AMPH: variants seen among roughly 807,000 people sequenced by gnomAD.
AMPH encodes the protein amphiphysin (Stiff-Mann syndrome with breast cancer 128kD autoantigen).
A neutral mutation model predicts 99.1 loss-of-function variants in AMPH; 49 were observed. The ratio of observed to expected loss-of-function variants is 0.49; its 90% confidence interval spans 0.39 to 0.63. The LOEUF (loss-of-function observed/expected upper bound fraction) is 0.63. Among genes scored for constraint, AMPH ranks in the 20% least tolerant of loss-of-function variants. The probability of loss-of-function intolerance (pLI) is 0.00; values close to 1 mark genes in which losing one functional copy is unlikely to be tolerated. For missense variants in AMPH, 759 were observed against 863.4 expected, an observed-to-expected ratio of 0.88 and a Z score of 1.52; for synonymous variants, 314 against 317.3, an observed-to-expected ratio of 0.99 and a Z score of 0.11.
At chr7:38,587,949 T>TGTGC (rs931620644) in intron 1 of AMPH, among the ~76,000 whole-genome samples, 202 of 146,196 alleles carry the variant, frequency 1.4e-3, no homozygotes, top group African/African-American at 4.4e-3. Flanking sequence ...TGTGTGTGTG[T>TGTGC]GCGCGTGTGT....
chr7:38,530,819 A>T (rs1165361349), intron 2 of AMPH, among the ~76,000 whole-genome samples: 1 of 152,234 alleles, frequency 6.6e-6, no homozygotes, highest in Non-Finnish European at 1.5e-5. Context: ...TAAGAGACCA[A>T]AAATAGAACG....
rs544036143 is a variant in AMPH at position 38,610,234 on chromosome 7, CAAAAAAAAAAAAA to C, written c.69+21036_69+21048del. Among the ~76,000 whole-genome samples the C allele has an allele frequency of 3.6e-3, 22 of 6,128 alleles. 1 individual carries two copies. The highest frequency in any genetic ancestry group is 6.2e-3 in the African/African-American group (8 of 1,292). 4.0% of individuals were successfully genotyped at this position (6,128 alleles called of 152,430 possible). On this transcript the variant is annotated intron_variant, in intron 1 of 20. Transcript: ENST00000356264. ...CCGGGCAACAAAAGCTAAGCTCTCT[CAAAAAAAAAAAAA>C]AAAAAAAAAAAAAAAAGAAAGAAAG...
intron 17 of AMPH, among the ~76,000 whole-genome samples, chr7:38,405,928 T>C (rs910558634): frequency 6.6e-6 from 1 of 152,170 alleles, no homozygotes; most frequent in African/African-American, 2.4e-5. Flanking sequence ...CAATCTTTTA[T>C]CTGCACATGG....
chr7:38,446,188 A>C (rs955151032), intron 11 of AMPH, among the ~76,000 whole-genome samples: 1 of 152,246 alleles, frequency 6.6e-6, no homozygotes, highest in Non-Finnish European at 1.5e-5. Flanking sequence ...GATGTGGAAG[A>C]ACTAGAACTC....
chr7:38,598,143 T>C (rs1245970875), intron 1 of AMPH, among the ~76,000 whole-genome samples: 1 of 152,258 alleles, frequency 6.6e-6, no homozygotes, highest in East Asian at 1.9e-4. Context: ...ATTTGTCTAT[T>C]TATATTTGTA....
intron 1 of AMPH, among the ~76,000 whole-genome samples, chr7:38,629,103 G>C (rs1433614000): frequency 6.6e-6 from 1 of 152,196 alleles, no homozygotes; most frequent in Non-Finnish European, 1.5e-5. Context: ...GAGGCCAAAG[G>C]TGTAGAAAGA....
intron 11 of AMPH, among the ~76,000 whole-genome samples, chr7:38,445,313 C>A (rs1046208840): frequency 6.6e-6 from 1 of 151,986 alleles, no homozygotes; most frequent in Non-Finnish European, 1.5e-5. Context: ...GAAAATAAAA[C>A]TTCTAAAAAA....
chr7:38,384,604 T>G lies in AMPH; in HGVS notation c.*214A>C. 4.2e-6 allele frequency: 2 copies of G among 473,642 alleles called. No homozygotes were observed. The highest frequency in any genetic ancestry group is 7.7e-6 in the Non-Finnish European group (2 of 259,236). The allele number at this position is 473,642 out of a possible 1,614,324, so 29.3% of individuals were successfully genotyped here. A position where few individuals can be genotyped will look rare whatever the true frequency, so the allele number is the denominator to read the frequency against. ...GACAAAGCACAAACAAACCTGTTAT[T>G]GACAACATGGGAATGAGTGAGGATT... On this transcript the variant is annotated 3_prime_UTR_variant, in exon 21 of 21. Transcript: ENST00000356264.
At chr7:38,600,948 G>A (rs1793224668) in intron 1 of AMPH, among the ~76,000 whole-genome samples, 1 of 152,192 alleles carries the variant, frequency 6.6e-6, no homozygotes, top group African/African-American at 2.4e-5. Flanking sequence ...CTTCTGCCAA[G>A]CAGGAAACTG....
At chr7:38,607,289 T>C (rs959106642) in intron 1 of AMPH, among the ~76,000 whole-genome samples, 13 of 152,178 alleles carry the variant, frequency 8.5e-5, no homozygotes, top group Admixed American at 3.9e-4. Flanking sequence ...ATCCACCCAA[T>C]ATGAAAGCAA....
intron 1 of AMPH, among the ~76,000 whole-genome samples, chr7:38,591,737 T>C (rs779564069): frequency 4.6e-5 from 7 of 152,200 alleles, no homozygotes; most frequent in African/African-American, 7.2e-5. Context: ...ACAGCTGTCC[T>C]CAGCATGCCA....
In AMPH at chr7:38,575,058, A is replaced by G. The variant is rs866680376; in HGVS notation, c.70-40047T>C. Among the ~76,000 whole-genome samples, 618 of 150,874 alleles carry G rather than the reference A, an allele frequency of 4.1e-3. 2 individuals carry two copies. Among genetic ancestry groups the G allele is most frequent in the Middle Eastern group, 6.8e-3 (2 of 292 alleles). ...ACAGACCGAGACTCTGTCTAAAAAA[A>G]AAAAAAAAAAAAAAAAATCACTATT... On this transcript the variant is annotated intron_variant, in intron 1 of 20. Transcript: ENST00000356264.
At chr7:38,588,665 A>T (rs1792750607) in intron 1 of AMPH, among the ~76,000 whole-genome samples, 1 of 152,126 alleles carries the variant, frequency 6.6e-6, no homozygotes, top group Non-Finnish European at 1.5e-5. Context: ...CTCTCCAATT[A>T]TGGGGCACCA....
chr7:38,506,077 T>C (rs1162338903), intron 2 of AMPH, among the ~76,000 whole-genome samples: 1 of 152,180 alleles, frequency 6.6e-6, no homozygotes, highest in Non-Finnish European at 1.5e-5. Flanking sequence ...CCTCTCCCCA[T>C]ACAGAATTTG....
chr7:38,575,475 G>T (rs1792204203), intron 1 of AMPH, among the ~76,000 whole-genome samples: 1 of 152,092 alleles, frequency 6.6e-6, no homozygotes, highest in South Asian at 2.1e-4. Flanking sequence ...CACATGGGAG[G>T]TGATTACATC....
intron 1 of AMPH, among the ~76,000 whole-genome samples, chr7:38,549,639 T>C (rs558300040): frequency 6.6e-6 from 1 of 152,316 alleles, no homozygotes; most frequent in South Asian, 2.1e-4. Flanking sequence ...ACTAACTTCC[T>C]ATGAGCCTTA....
intron 11 of AMPH, among the ~76,000 whole-genome samples, chr7:38,443,637 G>T (rs1225649098): frequency 6.6e-6 from 1 of 151,950 alleles, no homozygotes; most frequent in African/African-American, 2.4e-5. Flanking sequence ...GAGCATTTGA[G>T]AAAATCCACA....
intron 17 of AMPH, among the ~76,000 whole-genome samples, chr7:38,407,276 T>C: frequency 7.1e-6 from 1 of 141,824 alleles, no homozygotes; most frequent in East Asian, 2.3e-4. Flanking sequence ...TCTAGCTAGC[T>C]AGCTTTCTAT....
intron 1 of AMPH, among the ~76,000 whole-genome samples, chr7:38,610,329 A>AG (rs1793614179): frequency 2.4e-5 from 1 of 41,524 alleles, no homozygotes; most frequent in Admixed American, 2.5e-4. Context: ...AAGAAAAGAA[A>AG]AGAAAAAAGA....
Sources: allele counts gnomAD v4.1 joint callset (sites outside exome capture counted in the v4.1 genomes callset), GRCh38; gene constraint gnomAD v4.1.1; transcripts MANE v1.5; gene names NCBI Gene and HGNC (gene_info 2026-07-23, HGNC 2026-07-21).